The following TAF3 variants were observed in gnomAD, a reference collection of about 807,000 sequenced individuals.
The protein encoded by TAF3 is TATA-box binding protein associated factor 3, also known as transcription initiation factor TFIID subunit 3.
A neutral mutation model predicts 80.6 loss-of-function variants in TAF3; 7 were observed. That is an observed-to-expected ratio of 0.09 (90% CI 0.05 to 0.16). TAF3 has a LOEUF of 0.16. Among genes scored for constraint, TAF3 ranks in the 10% least tolerant of loss-of-function variants. TAF3 has a pLI of 1.00. For missense variants in TAF3, 921 were observed against 1,140.2 expected, an observed-to-expected ratio of 0.81 and a Z score of 2.77; for synonymous variants, 444 against 446.1, an observed-to-expected ratio of 1.00 and a Z score of 0.06.
At chr10:7,942,515 A>G (rs1399884564) in intron 2 of TAF3, among the ~76,000 whole-genome samples, 1 of 152,238 alleles carries the variant, frequency 6.6e-6, no homozygotes, top group Non-Finnish European at 1.5e-5. Flanking sequence ...TGATTTACCC[A>G]TAAAATTATA....
At chr10:7,929,456 C>T (rs558261067) in intron 2 of TAF3, among the ~76,000 whole-genome samples, 2 of 152,166 alleles carry the variant, frequency 1.3e-5, no homozygotes, top group African/African-American at 4.8e-5. Context: ...GGCTGGAGTG[C>T]TCCTGATCTT....
In TAF3 at chr10:8,009,057, CT is replaced by C; in HGVS notation, c.2316-19del. 2 of 1,591,004 alleles carry C rather than the reference CT, an allele frequency of 1.3e-6. No homozygotes were observed. Among genetic ancestry groups the C allele is most frequent in the African/African-American group, 1.3e-5 (1 of 74,282 alleles). On this transcript the variant is annotated intron_variant, in intron 4 of 6. Coordinates refer to ENST00000344293, the MANE Select transcript of TAF3 (RefSeq NM_031923.4). The surrounding 1 kb of genome is among the most constrained non-coding windows in gnomAD (Gnocchi z 4.1). Reference sequence around the variant, plus strand: ...ATGATGATCCTGTTTTGACTTTTACCTTCTCTTCTTTTGTTGACAGTGTCAT... The same window carrying C: ...ATGATGATCCTGTTTTGACTTTTACCTCTCTTCTTTTGTTGACAGTGTCAT...
intron 2 of TAF3, among the ~76,000 whole-genome samples, chr10:7,851,005 C>T (rs1239228345): frequency 6.6e-6 from 1 of 152,120 alleles, no homozygotes; most frequent in Non-Finnish European, 1.5e-5. Flanking sequence ...AGCAGATAAA[C>T]AGTCTCTGCT....
At chr10:7,847,750 A>G (rs1484184703) in intron 2 of TAF3, among the ~76,000 whole-genome samples, 1 of 149,310 alleles carries the variant, frequency 6.7e-6, no homozygotes, top group Non-Finnish European at 1.5e-5. Flanking sequence ...TGGTATGTTT[A>G]GATTCTTGTT....
chr10:7,972,027 C>T (rs1831627810), intron 3 of TAF3, among the ~76,000 whole-genome samples: 4 of 152,210 alleles, frequency 2.6e-5, no homozygotes, highest in Admixed American at 2.6e-4. Flanking sequence ...ACTGTAAATG[C>T]TCTTCTGTGT....
intron 3 of TAF3, among the ~76,000 whole-genome samples, chr10:7,966,472 T>G (rs1480206367): frequency 6.6e-6 from 1 of 152,220 alleles, no homozygotes; most frequent in Non-Finnish European, 1.5e-5. Flanking sequence ...CATTGGGGCC[T>G]CAGTCCTCAG....
chr10:7,857,468 C>G (rs949274398), intron 2 of TAF3, among the ~76,000 whole-genome samples: 1 of 152,130 alleles, frequency 6.6e-6, no homozygotes, highest in East Asian at 1.9e-4. Context: ...CATGGGTACC[C>G]CCAGAGAGGA....
intron 2 of TAF3, among the ~76,000 whole-genome samples, chr10:7,847,756 T>C (rs1054900890): frequency 2.0e-5 from 3 of 152,072 alleles, no homozygotes; most frequent in Admixed American, 6.6e-5. Context: ...GTTTAGATTC[T>C]TGTTAAAACT....
At chr10:7,885,270 A>C (rs1837399130) in intron 2 of TAF3, among the ~76,000 whole-genome samples, 1 of 151,652 alleles carries the variant, frequency 6.6e-6, no homozygotes, top group African/African-American at 2.4e-5. Flanking sequence ...ACACACACAC[A>C]CACCCCCACA....
chr10:7,824,726 C>CATT (rs1836724656), intron 2 of TAF3, among the ~76,000 whole-genome samples, 166 bp downstream of exon 2: 1 of 152,196 alleles, frequency 6.6e-6, no homozygotes, highest in Non-Finnish European at 1.5e-5. Context: ...TTGCAACTGA[C>CATT]ATTACCAAGC....
intron 2 of TAF3, among the ~76,000 whole-genome samples, chr10:7,918,317 C>G (rs1350777723): frequency 6.6e-6 from 1 of 152,112 alleles, no homozygotes; most frequent in East Asian, 1.9e-4. Flanking sequence ...GATTGCCAGG[C>G]AGTGCTGTGG....
intron 2 of TAF3, among the ~76,000 whole-genome samples, chr10:7,859,058 C>G (rs1185791092): frequency 6.6e-6 from 1 of 151,916 alleles, no homozygotes; most frequent in African/African-American, 2.4e-5. Flanking sequence ...GTCAGGAGAT[C>G]GAGACCATCC....
At chr10:7,878,227 A>G (rs1018701) in intron 2 of TAF3, among the ~76,000 whole-genome samples, 28,708 of 152,186 alleles carry the variant, frequency 0.19, 2,913 homozygotes, top group East Asian at 0.3. Flanking sequence ...AGAAAGTAAT[A>G]TAAAATAGCA....
Position 7,860,779 on chromosome 10 carries a change from C to G in TAF3, c.409+36219C>G, listed in dbSNP as rs182505838. 3.6e-3 allele frequency among the ~76,000 whole-genome samples: 530 copies of G among 147,624 alleles called. 4 individuals are homozygous for G. Among genetic ancestry groups the G allele is most frequent in the African/African-American group, 0.012 (497 of 39,772 alleles). ...TGCCCAGTCTTTAGCTAACAGGAGCCTTTTCTTTCTTTCTTTCTTTCTTTC... is the reference window on the plus strand; with the variant it reads ...TGCCCAGTCTTTAGCTAACAGGAGCGTTTTCTTTCTTTCTTTCTTTCTTTC... On this transcript the variant is annotated intron_variant, in intron 2 of 6. Coordinates refer to ENST00000344293, the MANE Select transcript of TAF3 (RefSeq NM_031923.4).
chr10:7,998,700 G>A (rs1831913997), intron 4 of TAF3, among the ~76,000 whole-genome samples: 2 of 152,016 alleles, frequency 1.3e-5, no homozygotes, highest in African/African-American at 4.8e-5. Context: ...TCAGCCGGGT[G>A]TGGTGATGCA....
At chr10:7,977,654 A>C (rs766640500) in intron 4 of TAF3, among the ~76,000 whole-genome samples, 1 of 152,198 alleles carries the variant, frequency 6.6e-6, no homozygotes, top group Non-Finnish European at 1.5e-5. Context: ...GCCACATTAC[A>C]CCCAGGTGGA....
chr10:7,822,281 C>G (rs11255377), intron 1 of TAF3, among the ~76,000 whole-genome samples: 25,387 of 149,006 alleles, frequency 0.17, 2,564 homozygotes, highest in East Asian at 0.52. Flanking sequence ...GGGACGGGGA[C>G]AGGGTTAGAA....
intron 3 of TAF3, among the ~76,000 whole-genome samples, chr10:7,971,454 T>G (rs938317451): frequency 5.0e-5 from 2 of 39,804 alleles, no homozygotes; most frequent in Non-Finnish European, 7.1e-5. Context: ...TATATGGTGT[T>G]TTTTTTTTTT....
chr10:7,937,848 T>C (rs1355236110), intron 2 of TAF3, among the ~76,000 whole-genome samples: 1 of 152,220 alleles, frequency 6.6e-6, no homozygotes, highest in East Asian at 1.9e-4. Flanking sequence ...TGCTCTTTTG[T>C]AGAAGTGTCG....
Sources: gnomAD v4.1 joint callset for allele counts (sites outside exome capture counted in the v4.1 genomes callset) on GRCh38, gnomAD v4.1.1 for gene constraint, Gnocchi (gnomAD v3.1) non-coding constraint, MANE v1.5 for transcripts, NCBI Gene and HGNC (gene_info 2026-07-23, HGNC 2026-07-21) for gene names.